SYNM: variants seen among roughly 807,000 people sequenced by gnomAD.
SYNM encodes the protein synemin.
A neutral mutation model predicts 104.0 loss-of-function variants in SYNM; 95 were observed. That is an observed-to-expected ratio of 0.91 (90% CI 0.77 to 1.08). The LOEUF (loss-of-function observed/expected upper bound fraction) is 1.08. SYNM is among the 50% of genes least tolerant of loss of function. The pLI, the probability that SYNM is intolerant of heterozygous loss-of-function variation, is 0.00. For synonymous variants in SYNM, 918 were observed against 869.0 expected, an observed-to-expected ratio of 1.06 and a Z score of -0.99; for missense variants, 2,150 against 2,052.2, an observed-to-expected ratio of 1.05 and a Z score of -0.92.
At chr15:99,125,788 T>C (rs1230314686) in intron 2 of SYNM, among the ~76,000 whole-genome samples, 1 of 152,194 alleles carries the variant, frequency 6.6e-6, no homozygotes, top group Non-Finnish European at 1.5e-5. Context: ...ACTTCACATG[T>C]TGCTCTAGCA....
At chr15:99,106,233 G>T (rs1244265480) in intron 1 of SYNM, among the ~76,000 whole-genome samples, 1 of 152,200 alleles carries the variant, frequency 6.6e-6, no homozygotes, top group African/African-American at 2.4e-5. Context: ...GGATAGCCCC[G>T]TCCTCGTCAT....
chr15:99,106,977 G>C (rs1278546953), intron 1 of SYNM, among the ~76,000 whole-genome samples: 1 of 152,216 alleles, frequency 6.6e-6, no homozygotes, highest in Non-Finnish European at 1.5e-5. Context: ...AGAGGAACAT[G>C]GGGGTTGTCA....
Position 99,115,825 on chromosome 15 carries a change from A to G in SYNM, c.935+2110A>G, listed in dbSNP as rs117034118. Among the ~76,000 whole-genome samples, 979 of 152,326 alleles carry G rather than the reference A, an allele frequency of 6.4e-3. 6 individuals carry two copies. Among genetic ancestry groups the G allele is most frequent in the South Asian group, 0.013 (63 of 4,826 alleles). ...CTGAATTGCTTTGATGTCTATTAAA[A>G]GGGTATCTGGCTGATACGTTGCTTG... is the stretch of plus-strand genomic sequence containing the variant. On this transcript the variant is annotated intron_variant, in intron 2 of 3. Coordinates refer to ENST00000336292, the MANE Select transcript of SYNM (RefSeq NM_145728.3).
At chr15:99,119,612 G>A (rs772729500) in intron 2 of SYNM, among the ~76,000 whole-genome samples, 5 of 152,188 alleles carry the variant, frequency 3.3e-5, no homozygotes, top group African/African-American at 7.2e-5. Context: ...GGGCCTGTCC[G>A]AGGTCACAGA....
At chr15:99,115,735 T>A (rs1179263029) in intron 2 of SYNM, among the ~76,000 whole-genome samples, 1 of 152,222 alleles carries the variant, frequency 6.6e-6, no homozygotes, top group Non-Finnish European at 1.5e-5. Flanking sequence ...GTGCTGAGAT[T>A]ACAGGTGTGA....
Position 99,105,911 on chromosome 15 carries a change from C to CGGCGCGA in SYNM, c.718_724dup (p.Leu242ArgfsTer35), listed in dbSNP as rs1555482666. On this transcript the variant is annotated frameshift_variant, in exon 1 of 4. Coordinates refer to ENST00000336292, the MANE Select transcript of SYNM (RefSeq NM_145728.3). LOFTEE classifies it high-confidence loss of function. Reference sequence around the variant, plus strand: ...GTGCGCGCAGGAGGCAGAGGCGCTGCGGCGCGAGGCGCTCGGGTTGGAGCA... The same window carrying CGGCGCGA: ...GTGCGCGCAGGAGGCAGAGGCGCTGCGGCGCGAGGCGCGAGGCGCTCGGGTTGGAGCA... 2.0e-6 allele frequency: 3 copies of CGGCGCGA among 1,532,022 alleles called. No individual in the cohort carries two copies. Among genetic ancestry groups the CGGCGCGA allele is most frequent in the South Asian group, 2.4e-5 (2 of 83,004 alleles). 94.9% of individuals were successfully genotyped at this position (1,532,022 alleles called of 1,614,324 possible).
downstream of SYNM, chr15:99,137,771 G>C (rs917753895): frequency 1.7e-6 from 1 of 574,638 alleles, no homozygotes; most frequent in Non-Finnish European, 2.9e-6. Context: ...TTGTTGGCAA[G>C]AAAAACCACT....
intron 1 of SYNM, 129 bp from the exon 2 acceptor site, chr15:99,113,462 G>A (rs1346337621): frequency 6.8e-6 from 8 of 1,179,336 alleles, no homozygotes; most frequent in African/African-American, 1.5e-5. Context: ...GTTTAATAAC[G>A]CCGGGTGTTT....
At chr15:99,139,543 GTGAC>G (rs1244952390), downstream of SYNM, 4 of 1,548,334 alleles carry the variant, frequency 2.6e-6, no homozygotes, top group East Asian at 2.5e-5. Context: ...ATGTCTCCTA[GTGAC>G]TGACCTTTGG....
At chr15:99,106,090 G>C (rs1376223399) in intron 1 of SYNM, 81 bp downstream of exon 1, 2 of 1,322,552 alleles carry the variant, frequency 1.5e-6, no homozygotes, top group Non-Finnish European at 1.9e-6. Flanking sequence ...GTGGGGCAGC[G>C]GCCCCTTCAC....
intron 1 of SYNM, among the ~76,000 whole-genome samples, chr15:99,110,288 A>G (rs1244468729): frequency 6.6e-6 from 1 of 152,174 alleles, no homozygotes; most frequent in Non-Finnish European, 1.5e-5. Context: ...CTGGTAGTTG[A>G]ACGAATGAAC....
intron 2 of SYNM, among the ~76,000 whole-genome samples, chr15:99,126,471 G>A (rs2067448677): frequency 1.3e-5 from 2 of 152,248 alleles, no homozygotes; most frequent in Admixed American, 1.3e-4. Flanking sequence ...TGGGCTAGTA[G>A]GGGTTGAGCG....
chr15:99,119,534 G>A (rs2067380703), intron 2 of SYNM, among the ~76,000 whole-genome samples: 1 of 152,222 alleles, frequency 6.6e-6, no homozygotes, highest in African/African-American at 2.4e-5. Context: ...GGCGGGGCTT[G>A]CACCAGGACC....
intron 2 of SYNM, among the ~76,000 whole-genome samples, chr15:99,120,516 A>G (rs1340911000): frequency 6.6e-6 from 1 of 152,092 alleles, no homozygotes; most frequent in Non-Finnish European, 1.5e-5. Context: ...GCCACGTGTG[A>G]TGGATGGGTA....
Position 99,129,805 on chromosome 15 carries a change from G to A in SYNM, c.1445G>A (p.Gly482Asp), listed in dbSNP as rs1555485467. ...GATCGCCGAGACAAGGTGGCAGCAG[G>A]TGCTTCGGAAAGCACACGGTCAAAT... Reference protein sequence around the residue: ...YRDRRDKVAAGASESTRSNER... With the variant: ...YRDRRDKVAADASESTRSNER... Residue 482 changes from glycine to aspartate, a missense_variant, in exon 4 of 4, where the codon GGT becomes GAT. Transcript: ENST00000336292. The A allele has an allele frequency of 1.2e-6, 2 of 1,613,518 alleles. No individual in the cohort carries two copies. The highest frequency in any genetic ancestry group is 1.7e-6 in the Non-Finnish European group (2 of 1,179,692).
At chr15:99,114,959 C>A (rs558793760) in intron 2 of SYNM, among the ~76,000 whole-genome samples, 4 of 152,186 alleles carry the variant, frequency 2.6e-5, no homozygotes, top group Non-Finnish European at 5.9e-5. Flanking sequence ...TTTATGGCGT[C>A]CTTACTGCCT....
At chr15:99,139,748 G>C, downstream of SYNM, 1 of 1,323,894 alleles carries the variant, frequency 7.6e-7, no homozygotes, top group Non-Finnish European at 1.0e-6. Flanking sequence ...TTATAGCCTG[G>C]AAAAGATTTA....
chr15:99,132,540 A>C lies in SYNM; in HGVS notation c.4180A>C (p.Thr1394Pro). The change falls in exon 4 of 4, where the codon ACA becomes CCA. Residue 1394 changes from threonine (T) to proline (P), a missense_variant. Thr to Pro is a conservative substitution (Grantham distance 38, BLOSUM62 -1). Transcript: ENST00000336292. Reference sequence around the variant, plus strand: ...AGAGGACACATCAGGGGCAGAAATGACATCGGGTGTTAGCAGATCCTTTAG... The same window carrying C: ...AGAGGACACATCAGGGGCAGAAATGCCATCGGGTGTTAGCAGATCCTTTAG... ...SAEDTSGAEM[T>P]SGVSRSFRHI... 6.2e-7 allele frequency: 1 copy of C among 1,614,036 alleles called. No individual in the cohort carries two copies. Among genetic ancestry groups the C allele is most frequent in the Non-Finnish European group, 8.5e-7 (1 of 1,179,902 alleles).
chr15:99,136,855 TC>T (rs2067632420), downstream of SYNM: 1 of 152,278 alleles, frequency 6.6e-6, no homozygotes, highest in Non-Finnish European at 1.5e-5. Context: ...GCTGTCACGC[TC>T]CTGAGGAAGA....
Sources: allele counts gnomAD v4.1 joint callset (sites outside exome capture counted in the v4.1 genomes callset), GRCh38; gene constraint gnomAD v4.1.1; transcripts MANE v1.5; gene names NCBI Gene and HGNC (gene_info 2026-07-23, HGNC 2026-07-21).